EPB41: variants seen among roughly 807,000 people sequenced by gnomAD.
EPB41 encodes protein 4.1.
Under a neutral mutation model 108.0 loss-of-function variants are expected in EPB41, and 65 were observed. That is an observed-to-expected ratio of 0.60 (90% CI 0.49 to 0.74). EPB41 has a LOEUF of 0.74. Among genes scored for constraint, EPB41 ranks in the 30% least tolerant of loss-of-function variants. EPB41 has a pLI of 0.00. For synonymous variants in EPB41, 336 were observed against 358.9 expected, an observed-to-expected ratio of 0.94 and a Z score of 0.72; for missense variants, 875 against 1,037.0, an observed-to-expected ratio of 0.84 and a Z score of 2.15.
intron 1 of EPB41, among the ~76,000 whole-genome samples, chr1:28,907,704 C>A (rs1457287320): frequency 1.3e-5 from 2 of 152,056 alleles, no homozygotes; most frequent in African/African-American, 2.4e-5. Context: ...CCTAGACCTC[C>A]CAGGCTCCAG....
intron 4 of EPB41, 33 bp downstream of exon 4, chr1:28,997,352 CAAA>C: frequency 7.7e-7 from 1 of 1,305,596 alleles, no homozygotes; most frequent in South Asian, 1.2e-5. Flanking sequence ...AAGAAGCTGA[CAAA>C]AAATTTATTT....
intron 17 of EPB41, among the ~76,000 whole-genome samples, chr1:29,109,089 T>G (rs190898380): frequency 6.6e-6 from 1 of 151,526 alleles, no homozygotes; most frequent in African/African-American, 2.4e-5. Flanking sequence ...TCCCAGCTAC[T>G]CAGGAGGCTG....
At chr1:29,070,917 G>C (rs981595707) in intron 16 of EPB41, 2 of 257,252 alleles carry the variant, frequency 7.8e-6, no homozygotes, top group Non-Finnish European at 1.5e-5. Context: ...CTTTTATCCT[G>C]CATGTTTACT....
chr1:28,911,711 C>T (rs2092264791), upstream of EPB41, among the ~76,000 whole-genome samples: 2 of 152,164 alleles, frequency 1.3e-5, no homozygotes, highest in Admixed American at 1.3e-4. Flanking sequence ...AAAAGCACAG[C>T]TGAACCTGAG....
At chr1:28,964,867 C>G (rs780447873) in intron 1 of EPB41, among the ~76,000 whole-genome samples, 7 of 152,166 alleles carry the variant, frequency 4.6e-5, no homozygotes, top group Non-Finnish European at 1.0e-4. Flanking sequence ...TGATCATGCC[C>G]TCTCCTCCTT....
intron 7 of EPB41, among the ~76,000 whole-genome samples, chr1:29,027,784 T>C (rs550642062): frequency 6.6e-6 from 1 of 152,196 alleles, no homozygotes; most frequent in Non-Finnish European, 1.5e-5. Flanking sequence ...AAACTTCAAA[T>C]ATAAATATTA....
Position 28,909,477 on chromosome 1 carries a change from T to A in EPB41, c.-8+22267T>A, listed in dbSNP as rs1208136156. 2.0e-5 allele frequency among the ~76,000 whole-genome samples: 3 copies of A among 150,810 alleles called. No homozygotes were observed. In the East Asian group the frequency reaches 5.9e-4, roughly 30 times the overall value. ...AGTGAGACCCTATATCTTGAAAAAATAAATAAATAATAAAATAAATAAAAA... is the reference window on the plus strand; with the variant it reads ...AGTGAGACCCTATATCTTGAAAAAAAAAATAAATAATAAAATAAATAAAAA... On this transcript the variant is annotated intron_variant, in intron 1 of 16. Coordinates refer to the EPB41 transcript ENST00000347529.
At chr1:28,942,916 A>G (rs1400903415) in intron 1 of EPB41, among the ~76,000 whole-genome samples, 3 of 152,198 alleles carry the variant, frequency 2.0e-5, no homozygotes, top group Non-Finnish European at 4.4e-5. Flanking sequence ...CCAGGACCAG[A>G]GACCAAATAT....
chr1:29,040,876 C>T (rs554067102), intron 11 of EPB41, among the ~76,000 whole-genome samples: 1 of 152,128 alleles, frequency 6.6e-6, no homozygotes, highest in African/African-American at 2.4e-5. Flanking sequence ...TGGCTCACAC[C>T]TATAATCGCA....
intron 16 of EPB41, among the ~76,000 whole-genome samples, chr1:29,077,272 A>G (rs1654475634): frequency 6.6e-6 from 1 of 152,104 alleles, no homozygotes; most frequent in African/African-American, 2.4e-5. Flanking sequence ...ACTTGGTTCA[A>G]TTAAAAGCTC....
chr1:29,055,930 C>CAAAAAAAA (rs35702090), intron 12 of EPB41, among the ~76,000 whole-genome samples: 1 of 59,388 alleles, frequency 1.7e-5, no homozygotes, highest in African/African-American at 8.1e-5. Flanking sequence ...AAGACTGTCT[C>CAAAAAAAA]AAAAAAAAAA....
At chr1:28,914,865 C>T (rs1429480835) in intron 1 of EPB41, 97 bp downstream of exon 1, 2 of 151,812 alleles carry the variant, frequency 1.3e-5, no homozygotes, top group African/African-American at 2.4e-5. Flanking sequence ...GCGCTGCAGC[C>T]TCTTTGTCTG....
At chr1:28,950,003 A>G (rs2094645604) in intron 1 of EPB41, among the ~76,000 whole-genome samples, 1 of 152,176 alleles carries the variant, frequency 6.6e-6, no homozygotes, top group Non-Finnish European at 1.5e-5. Flanking sequence ...CTATTTCATA[A>G]TTAATTTATC....
At chr1:28,891,130 G>T (rs1393738405) in intron 1 of EPB41, 2 of 308,512 alleles carry the variant, frequency 6.5e-6, no homozygotes, top group African/African-American at 4.5e-5. Context: ...GGCACTGAAA[G>T]GCAACCTTGG....
intron 5 of EPB41, among the ~76,000 whole-genome samples, chr1:29,012,698 A>C (rs536764073): frequency 6.6e-6 from 1 of 152,370 alleles, no homozygotes; most frequent in South Asian, 2.1e-4. Context: ...CCTGAAAACA[A>C]ACTTTACTTT....
At chr1:29,062,282 C>T (rs773123832) in intron 15 of EPB41, among the ~76,000 whole-genome samples, 3 of 152,160 alleles carry the variant, frequency 2.0e-5, no homozygotes, top group Non-Finnish European at 4.4e-5. Flanking sequence ...CTGACTAGTT[C>T]GTCTTCAGTG....
chr1:28,905,818 C>CTTTTT (rs573552880), intron 1 of EPB41, among the ~76,000 whole-genome samples: 9 of 133,862 alleles, frequency 6.7e-5, no homozygotes, highest in Non-Finnish European at 1.1e-4. Flanking sequence ...TTCTTTCTTT[C>CTTTTT]TTTTTTTTTT....
intron 16 of EPB41, among the ~76,000 whole-genome samples, chr1:29,087,638 G>A (rs1230601190): frequency 6.6e-6 from 1 of 152,138 alleles, no homozygotes; most frequent in African/African-American, 2.4e-5. Context: ...TGGGATTGTA[G>A]GCGTGAGCCA....
rs148402665 is a variant in EPB41, at chr1:28,925,817, G to A, written c.-8+11049G>A. ...CCTTATTGCCTGTGTTAATGACTTC[G>A]CATTTTATTTGGAGACGGGAGTTCT... On this transcript the variant is annotated intron_variant, in intron 1 of 20. Coordinates refer to ENST00000343067, the MANE Select transcript of EPB41 (RefSeq NM_001376013.1). 1.5e-3 allele frequency among the ~76,000 whole-genome samples: 236 copies of A among 152,270 alleles called. 1 individual carries two copies. Among genetic ancestry groups the A allele is most frequent in the Non-Finnish European group, 2.5e-3 (173 of 68,030 alleles).
Sources: gnomAD v4.1 joint callset for allele counts (sites outside exome capture counted in the v4.1 genomes callset) on GRCh38, gnomAD v4.1.1 for gene constraint, MANE v1.5 for transcripts, NCBI Gene and HGNC (gene_info 2026-07-23, HGNC 2026-07-21) for gene names.